The following CLEC2L variants were observed in gnomAD, a reference collection of about 807,000 sequenced individuals.
CLEC2L encodes the protein C-type lectin domain family 2, member L.
CLEC2L carries 14 observed loss-of-function variants against 23.6 expected under a neutral mutation model. The ratio of observed to expected loss-of-function variants is 0.59; its 90% CI spans 0.39 to 0.93. The LOEUF is 0.93. Ranked by LOEUF, CLEC2L falls within the 40% of genes least tolerant of loss-of-function variation. The probability of loss-of-function intolerance (pLI) is 0.00; values close to 1 mark genes in which losing one functional copy is unlikely to be tolerated. For synonymous variants in CLEC2L, 114 were observed against 121.3 expected, an observed-to-expected ratio of 0.94 and a Z score of 0.40; for missense variants, 264 against 282.4, an observed-to-expected ratio of 0.93 and a Z score of 0.47.
rs572482496 is a variant in CLEC2L, at chr7:139,540,346, A to C, written c.291A>C (p.Glu97Asp). Reference sequence around the variant, plus strand: ...CTTCCAAGGGCTGCATCAAGTGCGAAGCGCCCTGCCCGGAGGACTGGCTGC... The same window carrying C: ...CTTCCAAGGGCTGCATCAAGTGCGACGCGCCCTGCCCGGAGGACTGGCTGC... ...ILASKGCIKC[E>D]APCPEDWLLY... Residue 97 changes from glutamate (E) to aspartate (D), a missense_variant, in exon 3 of 5, where the codon GAA becomes GAC. By Grantham distance (45) the Glu-to-Asp change is conservative. Transcript: ENST00000422142. The surrounding 1 kb of genome is among the most constrained non-coding windows in gnomAD (Gnocchi z 5.8). The C allele has an allele frequency of 6.2e-7, 1 of 1,611,328 alleles. No homozygotes were observed. The highest frequency in any genetic ancestry group is 1.1e-5 in the South Asian group (1 of 90,282).
chr7:139,528,720 C>T (rs1476411326), intron 1 of CLEC2L, among the ~76,000 whole-genome samples: 2 of 152,082 alleles, frequency 1.3e-5, no homozygotes, highest in Non-Finnish European at 2.9e-5. Flanking sequence ...AAGAGAATAC[C>T]ATGTGATGAT....
At chr7:139,542,539 GC>G (rs1311927225) in intron 4 of CLEC2L, among the ~76,000 whole-genome samples, 4 of 152,230 alleles carry the variant, frequency 2.6e-5, no homozygotes, top group Non-Finnish European at 4.4e-5. Flanking sequence ...GCCGCACCTG[GC>G]CGCAAGGGAG....
chr7:139,526,631 G>A (rs1231916501), intron 1 of CLEC2L, among the ~76,000 whole-genome samples: 1 of 152,192 alleles, frequency 6.6e-6, no homozygotes, highest in Non-Finnish European at 1.5e-5. Context: ...GGTAAAGCTG[G>A]GGCAGAGCCT....
chr7:139,533,929 T>C (rs1435583418), intron 1 of CLEC2L, among the ~76,000 whole-genome samples: 2 of 152,086 alleles, frequency 1.3e-5, no homozygotes, highest in African/African-American at 2.4e-5. Flanking sequence ...ATGTATAACA[T>C]TGACTAAAAA....
At chr7:139,532,735 C>T (rs1248050550) in intron 1 of CLEC2L, among the ~76,000 whole-genome samples, 2 of 152,140 alleles carry the variant, frequency 1.3e-5, no homozygotes, top group Non-Finnish European at 2.9e-5. Context: ...CCTCTCTCCG[C>T]TATGTGAGGA....
chr7:139,543,217 AT>A (rs1797762957), intron 4 of CLEC2L, among the ~76,000 whole-genome samples: 1 of 151,864 alleles, frequency 6.6e-6, no homozygotes, highest in Non-Finnish European at 1.5e-5. Flanking sequence ...AGCACTCTTC[AT>A]TTTTGCCCTT....
In CLEC2L at chr7:139,536,286, G is replaced by A. The variant is rs1797655556; in HGVS notation, c.203G>A (p.Arg68His). The A allele has an allele frequency of 3.9e-6, 6 of 1,551,266 alleles. No individual in the cohort carries two copies. The highest frequency in any genetic ancestry group is 2.4e-5 in the South Asian group (2 of 84,048). The change falls in exon 2 of 5, where the codon CGC becomes CAC. Residue 68 changes from arginine to histidine, a missense_variant. Arg to His is a conservative substitution (Grantham distance 29, BLOSUM62 0). Coordinates refer to ENST00000422142, the MANE Select transcript of CLEC2L (RefSeq NM_001080511.4). ...WKAALEDTTT[R>H]LLLGAIAVLL... ...TCTCTTCTCCTAGACACCACCACAC[G>A]CCTCCTGCTGGGTGCCATCGCGGTC... is the stretch of plus-strand genomic sequence containing the variant.
chr7:139,523,762 C>CCAGCGCGGGGAGCCGGGCT lies in CLEC2L; in HGVS notation c.-161_-143dup. On this transcript the variant is annotated 5_prime_UTR_variant, in exon 1 of 5. Transcript: ENST00000422142. The surrounding 1 kb of genome is among the most constrained non-coding windows in gnomAD (Gnocchi z 4.1). The stretch of plus-strand genomic sequence containing the variant: ...CGCGGCGGCACCCGGCGCAGAGGCT[C>CCAGCGCGGGGAGCCGGGCT]CAGCGCGGGGAGCCGGGCTCAGCCC... 3.4e-6 allele frequency: 1 copy of CCAGCGCGGGGAGCCGGGCT among 298,228 alleles called. No homozygotes were observed. The highest frequency in any genetic ancestry group is 4.9e-6 in the Non-Finnish European group (1 of 203,012). The allele number at this position is 298,228 out of a possible 1,614,324, so 18.5% of individuals were successfully genotyped here.
At chr7:139,530,180 TGTCAAAAAAAAAAC>T (rs1267693028) in intron 1 of CLEC2L, among the ~76,000 whole-genome samples, 1 of 151,120 alleles carries the variant, frequency 6.6e-6, no homozygotes. Context: ...CGAGACTCTG[TGTCAAAAAAAAAAC>T]CAAACCAAAC....
Position 139,544,527 on chromosome 7 carries a change from C to G in CLEC2L, c.*185C>G. 2 of 596,894 alleles carry G rather than the reference C, an allele frequency of 3.4e-6. No individual in the cohort carries two copies. Among genetic ancestry groups the G allele is most frequent in the Non-Finnish European group, 6.0e-6 (2 of 335,190 alleles). The allele number at this position is 596,894 out of a possible 1,614,324, so 37.0% of individuals were successfully genotyped here. On this transcript the variant is annotated 3_prime_UTR_variant, in exon 5 of 5. Coordinates refer to ENST00000422142, the MANE Select transcript of CLEC2L (RefSeq NM_001080511.4). ...GTCCCTGGTTCCTGGCCTCCTTTGTCTGCAGGCAGGTCGTGTGGCTCAGCA... is the reference window on the plus strand; with the variant it reads ...GTCCCTGGTTCCTGGCCTCCTTTGTGTGCAGGCAGGTCGTGTGGCTCAGCA...
chr7:139,541,619 G>T (rs1227696212), intron 3 of CLEC2L, among the ~76,000 whole-genome samples: 1 of 152,216 alleles, frequency 6.6e-6, no homozygotes, highest in African/African-American at 2.4e-5. Flanking sequence ...TTGCAGGTAG[G>T]ACAACCAACC....
At chr7:139,536,932 A>T (rs1177584294) in intron 2 of CLEC2L, among the ~76,000 whole-genome samples, 1 of 143,210 alleles carries the variant, frequency 7.0e-6, no homozygotes, top group African/African-American at 2.7e-5. Flanking sequence ...TTGAGATCGC[A>T]CACCACCGCA....
At chr7:139,529,126 G>A (rs1017242904) in intron 1 of CLEC2L, among the ~76,000 whole-genome samples, 2 of 152,164 alleles carry the variant, frequency 1.3e-5, no homozygotes, top group African/African-American at 4.8e-5. Flanking sequence ...TTACCCCAAA[G>A]CACAGTCCTT....
At chr7:139,541,303 C>G (rs1320924713) in intron 3 of CLEC2L, among the ~76,000 whole-genome samples, 1 of 151,784 alleles carries the variant, frequency 6.6e-6, no homozygotes, top group Non-Finnish European at 1.5e-5. Context: ...GCTACCGTGC[C>G]CAGCCACAAG....
At chr7:139,542,376 C>G (rs920249348) in intron 4 of CLEC2L, among the ~76,000 whole-genome samples, 11 of 152,188 alleles carry the variant, frequency 7.2e-5, no homozygotes, top group African/African-American at 2.7e-4. Flanking sequence ...GGCCCAGGGT[C>G]TCTCCACCCT....
chr7:139,541,381 T>C lies in CLEC2L; in HGVS notation c.433-640T>C, dbSNP rs186760044. 8.6e-5 allele frequency among the ~76,000 whole-genome samples: 13 copies of C among 151,496 alleles called. No homozygotes were observed. The East Asian group carries it at 2.3e-3, about 27-fold the overall frequency. ...ATGCATTGTGAAATGTGAAAACACA[T>C]TGTCATTTTCTAAAGATCCAAATCA... On this transcript the variant is annotated intron_variant, in intron 3 of 4. Transcript: ENST00000422142.
chr7:139,535,012 C>T (rs1039245473), intron 1 of CLEC2L, among the ~76,000 whole-genome samples: 4 of 150,920 alleles, frequency 2.7e-5, no homozygotes, highest in African/African-American at 9.7e-5. Context: ...CCATGTGATC[C>T]AGCAACTCCA....
At chr7:139,536,832 A>AGGT (rs979132692) in intron 2 of CLEC2L, among the ~76,000 whole-genome samples, 1 of 151,832 alleles carries the variant, frequency 6.6e-6, no homozygotes, top group African/African-American at 2.4e-5. Flanking sequence ...AAAATTAGCC[A>AGGT]GGTGTGGTGG....
intron 4 of CLEC2L, among the ~76,000 whole-genome samples, chr7:139,543,903 G>C (rs1364656267): frequency 6.6e-6 from 1 of 152,204 alleles, no homozygotes; most frequent in Non-Finnish European, 1.5e-5. Context: ...TGGGGAAGTA[G>C]AGTGGGCAGA....
Sources: allele counts gnomAD v4.1 joint callset (sites outside exome capture counted in the v4.1 genomes callset), GRCh38; gene constraint gnomAD v4.1.1; non-coding constraint Gnocchi (gnomAD v3.1); transcripts MANE v1.5; gene names NCBI Gene and HGNC (gene_info 2026-07-23, HGNC 2026-07-21).